VASH1: variants seen among roughly 807,000 people sequenced by gnomAD.
The protein encoded by VASH1 is tubulinyl-Tyr carboxypeptidase 1.
In VASH1, 16 loss-of-function variants were observed where a neutral mutation model predicts 35.0. The ratio of observed to expected loss-of-function variants is 0.46; its 90% CI spans 0.31 to 0.70. The LOEUF is 0.70. Ranked by LOEUF, VASH1 falls within the 30% of genes least tolerant of loss-of-function variation. The probability of loss-of-function intolerance (pLI) is 0.05; values close to 1 mark genes in which losing one functional copy is unlikely to be tolerated. For missense variants in VASH1, 505 were observed against 510.7 expected, an observed-to-expected ratio of 0.99 and a Z score of 0.11; for synonymous variants, 214 against 200.9, an observed-to-expected ratio of 1.07 and a Z score of -0.55.
chr14:76,769,397 C>G, intron 1 of VASH1: 1 of 1,289,158 alleles, frequency 7.8e-7, no homozygotes, highest in Non-Finnish European at 1.0e-6. Flanking sequence ...TCCTTCTGGC[C>G]TGCTACCGCT....
chr14:76,771,887 G>C (rs1358915921), intron 3 of VASH1, among the ~76,000 whole-genome samples: 3 of 152,258 alleles, frequency 2.0e-5, no homozygotes, highest in Non-Finnish European at 4.4e-5. Context: ...GAATGCCACA[G>C]CTGGGTCTAG....
At position 76,779,795 on chromosome 14, in the gene VASH1, G is replaced by A. The variant is rs989981973; in HGVS notation, c.*777G>A. 3 of 513,802 alleles carry A rather than the reference G, an allele frequency of 5.8e-6. No individual in the cohort carries two copies. The highest frequency in any genetic ancestry group is 1.0e-5 in the Non-Finnish European group (3 of 292,792). The allele number at this position is 513,802 out of a possible 1,614,324, so 31.8% of individuals were successfully genotyped here. The stretch of plus-strand genomic sequence containing the variant: ...TTGCTCTAGCCCACAGGCTCCCTGC[G>A]GAGGGTCTGGGCTTGGCGGAGGACC... On this transcript the variant is annotated 3_prime_UTR_variant, in exon 7 of 7. Coordinates refer to ENST00000167106, the MANE Select transcript of VASH1 (RefSeq NM_014909.5).
Position 76,779,501 on chromosome 14 carries a change from AG to A in VASH1, c.*484del, listed in dbSNP as rs1237601918. 7.1e-6 allele frequency: 5 copies of A among 701,962 alleles called. No individual in the cohort carries two copies. The African/African-American group carries it at 8.7e-5, about 12-fold the overall frequency. The allele number at this position is 701,962 out of a possible 1,614,324, so 43.5% of individuals were successfully genotyped here. ...TTTCTCCAGTTCTGCCTGCCCTGGC[AG>A]AATCTTGACCCAGGGAAAGGGAAGC... is the stretch of plus-strand genomic sequence containing the variant. On this transcript the variant is annotated 3_prime_UTR_variant, in exon 7 of 7. Coordinates refer to ENST00000167106, the MANE Select transcript of VASH1 (RefSeq NM_014909.5).
chr14:76,763,147 A>AG lies in VASH1; in HGVS notation c.309+23dup, dbSNP rs779197342. The AG allele has an allele frequency of 3.3e-5, 47 of 1,441,814 alleles. No homozygotes were observed. Among genetic ancestry groups the AG allele is most frequent in the Non-Finnish European group, 4.0e-5 (44 of 1,091,778 alleles). The allele number at this position is 1,441,814 out of a possible 1,614,324, so 89.3% of individuals were successfully genotyped here. A position where few individuals can be genotyped will look rare whatever the true frequency, so the allele number is the denominator to read the frequency against. ...CTGCCCAAGGTGAGACACACGGGTC[A>AG]GGGGGGTGATAGCACAGTCTAGGTT... On this transcript the variant is annotated intron_variant, in intron 1 of 6. Transcript: ENST00000167106.
intron 1 of VASH1, chr14:76,769,319 G>A: frequency 7.8e-7 from 1 of 1,289,010 alleles, no homozygotes; most frequent in South Asian, 1.2e-5. Context: ...AGAAGACTTG[G>A]AGGAGGACCC....
Position 76,779,109 on chromosome 14 carries a change from G to A in VASH1, c.*91G>A, listed in dbSNP as rs1894029951. 1 of 1,411,148 alleles carries A rather than the reference G, an allele frequency of 7.1e-7. No homozygotes were observed. The highest frequency in any genetic ancestry group is 1.4e-5 in the African/African-American group (1 of 71,074). The allele number at this position is 1,411,148 out of a possible 1,614,324, so 87.4% of individuals were successfully genotyped here. On this transcript the variant is annotated 3_prime_UTR_variant, in exon 7 of 7. Transcript: ENST00000167106. ...CTTATGCATGGGGAAGGCGGGGCTG[G>A]TGACAAGGCAGGGCAAGAGGCTGCA... is the stretch of plus-strand genomic sequence containing the variant.
Position 76,762,739 on chromosome 14 carries a change from G to A in VASH1, c.-83G>A, listed in dbSNP as rs1259132078. ...AAGGCGCCTTGCACTCTGGCCATGT[G>A]TTATCTCTGCAGCCGGTGTGTGGGA... is the stretch of plus-strand genomic sequence containing the variant. On this transcript the variant is annotated 5_prime_UTR_variant, in exon 1 of 7. Coordinates refer to ENST00000167106, the MANE Select transcript of VASH1 (RefSeq NM_014909.5). 2 of 1,308,348 alleles carry A rather than the reference G, an allele frequency of 1.5e-6. No individual in the cohort carries two copies. Among genetic ancestry groups the A allele is most frequent in the African/African-American group, 1.5e-5 (1 of 66,936 alleles). 81.0% of individuals were successfully genotyped at this position (1,308,348 alleles called of 1,614,324 possible).
Position 76,777,973 on chromosome 14 carries a change from G to C in VASH1, c.927G>C (p.Thr309=). Residue 309 remains threonine, a synonymous_variant, in exon 6 of 7, where the codon ACG becomes ACC. Coordinates refer to ENST00000167106, the MANE Select transcript of VASH1 (RefSeq NM_014909.5). ...RDMRLKIGKG[T]GPPSPTKDRK... Reference sequence around the variant, plus strand: ...TCTGCACCTAGATTGGCAAAGGGACGGGCCCTCCCTCTCCCACCAAGGACC... The same window carrying C: ...TCTGCACCTAGATTGGCAAAGGGACCGGCCCTCCCTCTCCCACCAAGGACC... The C allele has an allele frequency of 6.5e-7, 1 of 1,532,440 alleles. No homozygotes were observed. 94.9% of individuals were successfully genotyped at this position (1,532,440 alleles called of 1,614,324 possible). A position where few individuals can be genotyped will look rare whatever the true frequency, so the allele number is the denominator to read the frequency against.
Position 76,779,636 on chromosome 14 carries a change from G to A in VASH1, c.*618G>A, listed in dbSNP as rs1894048483. On this transcript the variant is annotated 3_prime_UTR_variant, in exon 7 of 7. Coordinates refer to ENST00000167106, the MANE Select transcript of VASH1 (RefSeq NM_014909.5). ...GCTCGTGGCTCAGGAGAGCCTTCAG[G>A]CCCTTGAGGCCCCCATGGGCAGTGC... The A allele has an allele frequency of 1.6e-5, 10 of 611,548 alleles. No homozygotes were observed. The Middle Eastern group carries it at 1.6e-3, about 95-fold the overall frequency. The allele number at this position is 611,548 out of a possible 1,614,324, so 37.9% of individuals were successfully genotyped here.
At chr14:76,778,128 A>G (rs1040728592) in intron 6 of VASH1, 57 bp downstream of exon 6, 6 of 1,242,494 alleles carry the variant, frequency 4.8e-6, no homozygotes, top group Admixed American at 8.1e-5. Context: ...CTTTCCTCTC[A>G]TCGTGTGGGT....
At chr14:76,767,279 TAA>T (rs1407937385) in intron 1 of VASH1, among the ~76,000 whole-genome samples, 2 of 151,128 alleles carry the variant, frequency 1.3e-5, no homozygotes, top group African/African-American at 4.9e-5. Context: ...AATAAATAAA[TAA>T]ATAAAAAGTC....
rs1893531532 is a variant in VASH1 at position 76,762,573 on chromosome 14, T to G, written c.-249T>G. 2.7e-6 allele frequency: 1 copy of G among 373,178 alleles called. No homozygotes were observed. Among genetic ancestry groups the G allele is most frequent in the Non-Finnish European group, 4.9e-6 (1 of 204,342 alleles). 23.1% of individuals were successfully genotyped at this position (373,178 alleles called of 1,614,324 possible). ...GCTGCCAAGTTGGGGTGTGTTCTCT[T>G]TATTCCGTTTTTCAAACAGAACAAG... On this transcript the variant is annotated 5_prime_UTR_variant, in exon 1 of 7. Coordinates refer to ENST00000167106, the MANE Select transcript of VASH1 (RefSeq NM_014909.5).
chr14:76,775,776 G>A, intron 4 of VASH1, 116 bp from the exon 5 acceptor site: 2 of 1,412,608 alleles, frequency 1.4e-6, no homozygotes, highest in South Asian at 1.5e-5. Flanking sequence ...GAGCAGGACT[G>A]GTGTCTGCAC....
At chr14:76,764,984 G>A (rs1013938148) in intron 1 of VASH1, among the ~76,000 whole-genome samples, 1 of 152,056 alleles carries the variant, frequency 6.6e-6, no homozygotes, top group Non-Finnish European at 1.5e-5. Flanking sequence ...GAACCACCAC[G>A]CCCGGCCAGA....
intron 5 of VASH1, among the ~76,000 whole-genome samples, chr14:76,777,502 C>G (rs12890590): frequency 0.15 from 22,815 of 152,162 alleles, 1,804 homozygotes; most frequent in African/African-American, 0.2. Context: ...GCTGACGGTG[C>G]CATATAAAGG....
intron 1 of VASH1, chr14:76,769,397 C>T: frequency 7.8e-7 from 1 of 1,289,158 alleles, no homozygotes; most frequent in Non-Finnish European, 1.0e-6. Context: ...TCCTTCTGGC[C>T]TGCTACCGCT....
chr14:76,770,244 G>A (rs1893755889), intron 2 of VASH1, among the ~76,000 whole-genome samples, 193 bp downstream of exon 2: 1 of 152,144 alleles, frequency 6.6e-6, no homozygotes, highest in Non-Finnish European at 1.5e-5. Flanking sequence ...GAGGAATTTT[G>A]TCTGATGAGT....
chr14:76,766,326 C>T (rs557569339), intron 1 of VASH1, among the ~76,000 whole-genome samples: 159 of 152,302 alleles, frequency 1.0e-3, no homozygotes, highest in Non-Finnish European at 1.7e-3. Context: ...GGCCACTGAC[C>T]CCAGACCCAG....
chr14:76,763,146 CA>C lies in VASH1; in HGVS notation c.309+17del, dbSNP rs757614133. On this transcript the variant is annotated intron_variant, in intron 1 of 6. Transcript: ENST00000167106. ...CCTGCCCAAGGTGAGACACACGGGT[CA>C]GGGGGGTGATAGCACAGTCTAGGTT... The C allele has an allele frequency of 9.7e-6, 14 of 1,441,676 alleles. No homozygotes were observed. Among genetic ancestry groups the C allele is most frequent in the African/African-American group, 4.3e-5 (3 of 69,958 alleles). 89.3% of individuals were successfully genotyped at this position (1,441,676 alleles called of 1,614,324 possible).
Sources: gnomAD v4.1 joint callset for allele counts (sites outside exome capture counted in the v4.1 genomes callset) on GRCh38, gnomAD v4.1.1 for gene constraint, MANE v1.5 for transcripts, NCBI Gene and HGNC (gene_info 2026-07-23, HGNC 2026-07-21) for gene names.